The following IAPP variants were observed in gnomAD, a reference collection of about 807,000 sequenced individuals.
IAPP encodes islet amyloid polypeptide.
Under a neutral mutation model 2.9 loss-of-function variants are expected in IAPP, and 4 were observed. The ratio of observed to expected loss-of-function variants is 1.39; its 90% CI spans 0.69 to 3.19. IAPP has a LOEUF of 3.19. Ranked by LOEUF, IAPP falls within the 30% of genes most tolerant of loss-of-function variation. The pLI, the probability that IAPP is intolerant of heterozygous loss-of-function variation, is 0.01. For missense variants in IAPP, 114 were observed against 105.3 expected, an observed-to-expected ratio of 1.08 and a Z score of -0.36; for synonymous variants, 40 against 42.1, an observed-to-expected ratio of 0.95 and a Z score of 0.19.
chr12:21,360,886 A>G (rs954789439), intron 1 of IAPP, among the ~76,000 whole-genome samples: 2 of 152,158 alleles, frequency 1.3e-5, no homozygotes, highest in African/African-American at 4.8e-5. Context: ...CAAAGCAGCT[A>G]GGAACTCGAA....
In IAPP at chr12:21,373,450, C is replaced by G. The variant is rs1939949740; in HGVS notation, c.80+19C>G. 1.3e-6 allele frequency: 2 copies of G among 1,559,600 alleles called. No individual in the cohort carries two copies. Among genetic ancestry groups the G allele is most frequent in the Middle Eastern group, 1.7e-4 (1 of 5,964 alleles). On this transcript the variant is annotated intron_variant, in intron 2 of 2. Coordinates refer to ENST00000240652, the MANE Select transcript of IAPP (RefSeq NM_000415.3). ...TTGAAAGGTTGGTAACTTTAAAATC[C>G]TGTTTCTTTGTAACTTTTGTAAAGT...
chr12:21,375,208 T>G (rs1429439518), intron 2 of IAPP, among the ~76,000 whole-genome samples: 2 of 152,206 alleles, frequency 1.3e-5, no homozygotes, highest in Non-Finnish European at 2.9e-5. Flanking sequence ...GTTATAAAAT[T>G]ATTTTGATGT....
At chr12:21,375,055 C>T (rs1262981127) in intron 2 of IAPP, among the ~76,000 whole-genome samples, 1 of 152,088 alleles carries the variant, frequency 6.6e-6, no homozygotes, top group Non-Finnish European at 1.5e-5. Flanking sequence ...TGGGCTCAAG[C>T]CTTCCTCCTG....
chr12:21,373,761 T>C, intron 2 of IAPP: 2 of 689,518 alleles, frequency 2.9e-6, no homozygotes, highest in Non-Finnish European at 5.3e-6. Flanking sequence ...ATTAACCTGA[T>C]ACTGAAACAA....
In IAPP at chr12:21,378,531, G is replaced by C. The variant is rs1278883213; in HGVS notation, c.*105G>C. The C allele has an allele frequency of 3.2e-6, 3 of 950,242 alleles. No homozygotes were observed. Among genetic ancestry groups the C allele is most frequent in the Non-Finnish European group, 5.1e-6 (3 of 593,074 alleles). 58.9% of individuals were successfully genotyped at this position (950,242 alleles called of 1,614,324 possible). A position where few individuals can be genotyped will look rare whatever the true frequency, so the allele number is the denominator to read the frequency against. ...GTGTGAATATATGGTCTGTGTGTCT[G>C]ATGTTTGTTGCTAGGACATATACCT... is the stretch of plus-strand genomic sequence containing the variant. On this transcript the variant is annotated 3_prime_UTR_variant, in exon 3 of 3. Transcript: ENST00000240652.
In IAPP at chr12:21,366,091, C is replaced by A. The variant is rs907914690; in HGVS notation, c.-15-7246C>A. Among the ~76,000 whole-genome samples the A allele has an allele frequency of 8.5e-4, 130 of 152,292 alleles. 1 individual carries two copies. The highest frequency in any genetic ancestry group is 3.1e-3 in the African/African-American group (127 of 41,548). ...TATAAATCATGCTGCTATAAAGACA[C>A]ATGCATACGTATGTTTATTGCAGCA... On this transcript the variant is annotated intron_variant, in intron 1 of 2. Transcript: ENST00000539393.
upstream of IAPP, among the ~76,000 whole-genome samples, chr12:21,368,350 C>T (rs915322785): frequency 6.6e-6 from 1 of 152,008 alleles, no homozygotes; most frequent in Non-Finnish European, 1.5e-5. Context: ...ACAACAAATG[C>T]CCCCATTTTT....
chr12:21,363,837 A>G (rs929979183), intron 1 of IAPP, among the ~76,000 whole-genome samples: 1 of 152,224 alleles, frequency 6.6e-6, no homozygotes, highest in African/African-American at 2.4e-5. Context: ...CCCTCCTAAG[A>G]CTAAACCAGG....
chr12:21,363,573 C>T (rs1171442618), intron 1 of IAPP, among the ~76,000 whole-genome samples: 1 of 151,642 alleles, frequency 6.6e-6, no homozygotes, highest in East Asian at 1.9e-4. Context: ...GATAGAGACA[C>T]AAAAAAACCC....
chr12:21,364,405 A>G (rs1400322999), intron 1 of IAPP, among the ~76,000 whole-genome samples: 1 of 152,212 alleles, frequency 6.6e-6, no homozygotes, highest in African/African-American at 2.4e-5. Flanking sequence ...TCTCAAAATA[A>G]TATGATCTAT....
intron 2 of IAPP, chr12:21,376,504 A>T (rs1394571564): frequency 5.8e-6 from 1 of 171,264 alleles, no homozygotes; most frequent in Non-Finnish European, 1.3e-5. Flanking sequence ...TGTGAATGAG[A>T]TTGATATAGG....
At position 21,359,309 on chromosome 12, in the gene IAPP, A is replaced by G. The variant is rs137888462; in HGVS notation, c.-16+4296A>G. Among the ~76,000 whole-genome samples the G allele has an allele frequency of 1.2e-3, 181 of 152,340 alleles. 2 individuals are homozygous for G. Among genetic ancestry groups the G allele is most frequent in the Middle Eastern group, 6.8e-3 (2 of 294 alleles). ...GAAACCAATCACCATAAAGGGAAGA[A>G]GAAAAACACTAGTTTAAAAACAGGG... On this transcript the variant is annotated intron_variant, in intron 1 of 2. Transcript: ENST00000539393.
chr12:21,363,193 G>C (rs11502425), intron 1 of IAPP, among the ~76,000 whole-genome samples: 1 of 151,796 alleles, frequency 6.6e-6, no homozygotes, highest in African/African-American at 2.4e-5. Flanking sequence ...ATAACAAACT[G>C]TCTCTCAGAC....
intron 1 of IAPP, among the ~76,000 whole-genome samples, chr12:21,356,320 G>T (rs2137029298): frequency 6.6e-6 from 1 of 152,036 alleles, no homozygotes; most frequent in African/African-American, 2.4e-5. Flanking sequence ...ACATACCTAT[G>T]ATATTAAGAA....
chr12:21,361,711 G>C (rs555451582), intron 1 of IAPP, among the ~76,000 whole-genome samples: 5 of 152,270 alleles, frequency 3.3e-5, no homozygotes, highest in African/African-American at 1.2e-4. Flanking sequence ...TGACCTGATG[G>C]AGCTGAAAAT....
At chr12:21,377,549 T>C (rs369295043) in intron 2 of IAPP, among the ~76,000 whole-genome samples, 1 of 152,184 alleles carries the variant, frequency 6.6e-6, no homozygotes, top group East Asian at 1.9e-4. Context: ...ACCCAATGGT[T>C]AGTAACTCCC....
intron 1 of IAPP, among the ~76,000 whole-genome samples, chr12:21,366,785 G>C (rs1939420477): frequency 6.6e-6 from 1 of 151,752 alleles, no homozygotes; most frequent in Non-Finnish European, 1.5e-5. Context: ...GATTGTAGAA[G>C]TTGTTTTTTT....
At chr12:21,377,209 T>A (rs188902744) in intron 2 of IAPP, among the ~76,000 whole-genome samples, 131 of 152,276 alleles carry the variant, frequency 8.6e-4, no homozygotes, top group African/African-American at 3.0e-3. Flanking sequence ...TTTAACCTAG[T>A]CTTATCATTA....
intron 2 of IAPP, among the ~76,000 whole-genome samples, chr12:21,376,785 T>C (rs1940227549): frequency 6.6e-6 from 1 of 152,102 alleles, no homozygotes; most frequent in African/African-American, 2.4e-5. Context: ...TCCATTGCAT[T>C]TGAGTCCCAG....
Sources: allele counts gnomAD v4.1 joint callset (sites outside exome capture counted in the v4.1 genomes callset), GRCh38; gene constraint gnomAD v4.1.1; transcripts MANE v1.5; gene names NCBI Gene and HGNC (gene_info 2026-07-23, HGNC 2026-07-21).